The following APPL2 variants were observed in gnomAD, a reference collection of about 807,000 sequenced individuals.
APPL2 encodes DCC-interacting protein 13-beta.
APPL2 carries 84 observed loss-of-function variants against 92.7 expected under a neutral mutation model. The ratio of observed to expected loss-of-function variants is 0.91; its 90% CI spans 0.76 to 1.09. The LOEUF is 1.09. Among genes scored for constraint, APPL2 ranks in the 50% least tolerant of loss-of-function variants. APPL2 has a pLI of 0.00. For synonymous variants in APPL2, 291 were observed against 291.0 expected (o/e 1.00, Z 0.00); for missense variants, 736 against 824.5 (o/e 0.89, Z 1.31).
chr12:105,203,613 CAGTT>C (rs1342745121), intron 9 of APPL2, 86 bp downstream of exon 9: 8 of 1,238,194 alleles, frequency 6.5e-6, no homozygotes, highest in African/African-American at 1.5e-5. Flanking sequence ...CGACCCTCCA[CAGTT>C]AGAACCCTCC....
intron 17 of APPL2, chr12:105,177,553 A>G: frequency 2.3e-6 from 1 of 429,362 alleles, no homozygotes; most frequent in South Asian, 2.6e-5. Context: ...TCCTCAACAG[A>G]TCTGCTATAT....
chr12:105,195,721 GA>G (rs1887582837), intron 11 of APPL2, 94 bp from the exon 12 acceptor site: 3 of 1,399,360 alleles, frequency 2.1e-6, no homozygotes, highest in Non-Finnish European at 3.0e-6. Flanking sequence ...GGTGTGGGAG[GA>G]AAAGTGCCAT....
chr12:105,184,642 G>A (rs977255950), intron 17 of APPL2, among the ~76,000 whole-genome samples: 1 of 152,178 alleles, frequency 6.6e-6, no homozygotes, highest in Non-Finnish European at 1.5e-5. Context: ...ATCCCAGAAG[G>A]GCACCCACCA....
At chr12:105,176,536 G>A (rs570177878) in intron 19 of APPL2, among the ~76,000 whole-genome samples, 26 of 152,138 alleles carry the variant, frequency 1.7e-4, no homozygotes, top group Admixed American at 1.1e-3. Context: ...TTCTCTCTGA[G>A]ACTAAATTAT....
In APPL2 at chr12:105,176,035, C is replaced by T. The variant is rs759951447; in HGVS notation, c.1860G>A (p.Lys620=). Residue 620 remains lysine (K), a splice_region_variant and synonymous_variant, in exon 20 of 21, where the codon AAG becomes AAA. Transcript: ENST00000258530. ...NLGKEIIEVQ[K]DPEALAQLML... is the part of the protein sequence containing the mutation. ...AAACCAGCGCTAGAATGCATCTTAC[C>T]TTCTGAACCTCAATAATTTCTTTTC... 14 of 1,588,474 alleles carry T rather than the reference C, an allele frequency of 8.8e-6. No homozygotes were observed. In the South Asian group the frequency reaches 1.5e-4, roughly 17 times the overall value.
rs1885179305 is a variant in APPL2, at chr12:105,173,454, T to C, written c.*860A>G. On this transcript the variant is annotated 3_prime_UTR_variant, in exon 21 of 21. Transcript: ENST00000258530. Reference sequence around the variant, plus strand: ...GGGGAGTGGGCTGGGGTTCCAGGAATTGGAAGTATCAGGGTGGAAATAGGA... The same window carrying C: ...GGGGAGTGGGCTGGGGTTCCAGGAACTGGAAGTATCAGGGTGGAAATAGGA... The C allele has an allele frequency of 6.6e-6, 1 of 152,602 alleles. No homozygotes were observed. The highest frequency in any genetic ancestry group is 6.5e-5 in the Admixed American group (1 of 15,270). 9.5% of individuals were successfully genotyped at this position (152,602 alleles called of 1,614,324 possible). A position where few individuals can be genotyped will look rare whatever the true frequency, so the allele number is the denominator to read the frequency against.
At chr12:105,222,492 G>A (rs1389801425) in intron 2 of APPL2, among the ~76,000 whole-genome samples, 1 of 152,178 alleles carries the variant, frequency 6.6e-6, no homozygotes, top group East Asian at 1.9e-4. Flanking sequence ...GAACTGTGCT[G>A]CCCATGTGGA....
intron 16 of APPL2, 110 bp from the exon 17 acceptor site, chr12:105,188,557 A>G: frequency 1.7e-6 from 2 of 1,183,912 alleles, no homozygotes; most frequent in Non-Finnish European, 2.3e-6. Flanking sequence ...AGGACTTTCT[A>G]CCAAAATTTC....
At chr12:105,196,191 C>T (rs534969112) in intron 11 of APPL2, among the ~76,000 whole-genome samples, 16 of 151,988 alleles carry the variant, frequency 1.1e-4, no homozygotes, top group Non-Finnish European at 1.8e-4. Flanking sequence ...AATGAGAAGG[C>T]GGGACTCGGA....
intron 7 of APPL2, 136 bp downstream of exon 7, chr12:105,207,835 T>G (rs1888865676): frequency 1.4e-6 from 1 of 726,952 alleles, no homozygotes; most frequent in Non-Finnish European, 2.3e-6. Context: ...AGATTTGGAA[T>G]GAACAATTTT....
intron 7 of APPL2, 30 bp downstream of exon 7, chr12:105,207,938 TGAA>T: frequency 6.3e-7 from 1 of 1,587,430 alleles, no homozygotes; most frequent in Non-Finnish European, 8.7e-7. Flanking sequence ...TTTATGTAAA[TGAA>T]GTGAAAAACA....
At chr12:105,207,023 T>C (rs1359342143) in intron 8 of APPL2, 38 bp downstream of exon 8, 2 of 1,598,864 alleles carry the variant, frequency 1.3e-6, no homozygotes, top group Non-Finnish European at 1.7e-6. Flanking sequence ...ACGCCACAGC[T>C]AGCTTAGGTT....
chr12:105,230,947 G>A (rs1355675630), intron 1 of APPL2, among the ~76,000 whole-genome samples: 5 of 152,210 alleles, frequency 3.3e-5, no homozygotes, highest in Admixed American at 3.3e-4. Flanking sequence ...TGTGTTAGAA[G>A]AGCTCTCTGA....
chr12:105,233,081 T>C (rs1891037560), intron 1 of APPL2: 1 of 985,308 alleles, frequency 1.0e-6, no homozygotes, highest in Non-Finnish European at 1.2e-6. Context: ...CTCAAAAGTG[T>C]ACTACTTACA....
chr12:105,228,734 A>G (rs1284892108), intron 2 of APPL2, among the ~76,000 whole-genome samples: 1 of 152,220 alleles, frequency 6.6e-6, no homozygotes, highest in Non-Finnish European at 1.5e-5. Context: ...GCAGTTGAAA[A>G]AACATCTCTG....
At chr12:105,195,006 C>T (rs1469279872) in intron 14 of APPL2, among the ~76,000 whole-genome samples, 1 of 151,494 alleles carries the variant, frequency 6.6e-6, no homozygotes, top group Non-Finnish European at 1.5e-5. Context: ...GTCCTGTTTG[C>T]TTGGACTGCA....
chr12:105,177,100 A>AAAAAGT, intron 18 of APPL2, 84 bp from the exon 19 acceptor site: 1 of 1,604,742 alleles, frequency 6.2e-7, no homozygotes, highest in Non-Finnish European at 8.5e-7. Flanking sequence ...AAGTCATGAG[A>AAAAAGT]AAAAGTATCC....
At chr12:105,175,969 A>G (rs1885501237) in intron 20 of APPL2, 66 bp downstream of exon 20, 2 of 1,406,702 alleles carry the variant, frequency 1.4e-6, no homozygotes, top group South Asian at 1.4e-5. Flanking sequence ...TTTTGAAAAG[A>G]CTCTTGGTAT....
chr12:105,226,445 G>C (rs2136081118), intron 2 of APPL2, among the ~76,000 whole-genome samples: 1 of 152,296 alleles, frequency 6.6e-6, no homozygotes, highest in Admixed American at 6.5e-5. Context: ...TTAAAAGCTG[G>C]GTTACAGCCT....
Sources: gnomAD v4.1 joint callset for allele counts (sites outside exome capture counted in the v4.1 genomes callset) on GRCh38, gnomAD v4.1.1 for gene constraint, MANE v1.5 for transcripts, NCBI Gene and HGNC (gene_info 2026-07-23, HGNC 2026-07-21) for gene names.